Variants in RPS6KC1 observed in about 807,000 individuals in gnomAD.
RPS6KC1 encodes the protein inactive ribosomal protein S6 kinase delta-1.
A neutral mutation model predicts 103.8 loss-of-function variants in RPS6KC1; 54 were observed. The observed-to-expected ratio is 0.52, with a 90% CI of 0.42 to 0.65. The LOEUF is 0.65. RPS6KC1 is among the 30% of genes least tolerant of loss of function. RPS6KC1 has a pLI of 0.00. For synonymous variants in RPS6KC1, 439 were observed against 438.7 expected (o/e 1.00, Z -0.01); for missense variants, 1,151 against 1,253.8 (o/e 0.92, Z 1.24).
At chr1:213,131,438 TATA>T (rs1449007438) in intron 6 of RPS6KC1, among the ~76,000 whole-genome samples, 2 of 116,806 alleles carry the variant, frequency 1.7e-5, no homozygotes, top group African/African-American at 7.6e-5. Context: ...CAAATGGTTT[TATA>T]ATGTTAGGTT....
At chr1:213,832,192 C>A in the RPS6KC1 span, among the ~76,000 whole-genome samples, 1 of 152,116 alleles carries the variant, frequency 6.6e-6, no homozygotes, top group African/African-American at 2.4e-5. Context: ...GTTGGCTTCA[C>A]CTTGGGATTG....
chr1:213,157,415 G>T (rs939863821), intron 6 of RPS6KC1, among the ~76,000 whole-genome samples: 2 of 151,968 alleles, frequency 1.3e-5, no homozygotes, highest in Non-Finnish European at 2.9e-5. Flanking sequence ...CACCGTGTTA[G>T]CCAGGATGGT....
the RPS6KC1 span, among the ~76,000 whole-genome samples, chr1:213,583,820 CA>C: frequency 0.015 from 1,155 of 76,630 alleles, 6 homozygotes; most frequent in Admixed American, 0.048. Flanking sequence ...GATTCTGTCT[CA>C]AAAAAAAAAA....
the RPS6KC1 span, among the ~76,000 whole-genome samples, chr1:213,594,057 C>A: frequency 6.6e-6 from 1 of 151,988 alleles, no homozygotes; most frequent in Non-Finnish European, 1.5e-5. Context: ...GTAAAGATGG[C>A]TTTTGCCAAG....
chr1:213,370,243 ATTTTATTTAT>A, the RPS6KC1 span, among the ~76,000 whole-genome samples: 2 of 147,960 alleles, frequency 1.4e-5, no homozygotes, highest in African/African-American at 5.2e-5. Context: ...CTGTTATTTT[ATTTTATTTAT>A]TTTATTTTAT....
the RPS6KC1 span, among the ~76,000 whole-genome samples, chr1:213,406,904 C>A: frequency 1.3e-5 from 2 of 152,126 alleles, no homozygotes. Flanking sequence ...CAAATGAGAG[C>A]GCTGAGGCTT....
chr1:213,844,611 C>T, the RPS6KC1 span, among the ~76,000 whole-genome samples: 1 of 151,992 alleles, frequency 6.6e-6, no homozygotes. Flanking sequence ...CCCAAAGTTA[C>T]AAGCAAGAGA....
At chr1:213,205,696 T>C (rs2093331720) in intron 8 of RPS6KC1, among the ~76,000 whole-genome samples, 1 of 151,102 alleles carries the variant, frequency 6.6e-6, no homozygotes, top group African/African-American at 2.4e-5. Context: ...CAACCATATA[T>C]TTTTGACATA....
At chr1:213,859,447 A>G in the RPS6KC1 span, among the ~76,000 whole-genome samples, 1 of 152,166 alleles carries the variant, frequency 6.6e-6, no homozygotes, top group Admixed American at 6.5e-5. Flanking sequence ...AACAGCAAAC[A>G]TTTTCTGCAA....
intron 3 of RPS6KC1, among the ~76,000 whole-genome samples, chr1:213,081,719 TTAAGAACATTCTG>T (rs2148572089): frequency 6.6e-6 from 1 of 151,898 alleles, no homozygotes; most frequent in African/African-American, 2.4e-5. Flanking sequence ...TTTCCTATGG[TTAAGAACATTCTG>T]GTAGCCTATG....
At chr1:213,360,717 G>A in the RPS6KC1 span, among the ~76,000 whole-genome samples, 1 of 152,178 alleles carries the variant, frequency 6.6e-6, no homozygotes, top group Admixed American at 6.5e-5. Flanking sequence ...TGATGATGGT[G>A]ATGTGCAGAT....
chr1:213,773,313 G>A, the RPS6KC1 span, among the ~76,000 whole-genome samples: 14 of 151,526 alleles, frequency 9.2e-5, no homozygotes, highest in East Asian at 3.9e-4. Context: ...CCTTCTCACC[G>A]CGCACCCCCA....
the RPS6KC1 span, among the ~76,000 whole-genome samples, chr1:213,360,711 G>A: frequency 1.6e-4 from 25 of 152,288 alleles, 1 homozygote; most frequent in South Asian, 2.9e-3. Context: ...GGTCTTTGAT[G>A]ATGGTGATGT....
chr1:213,400,661 A>G, the RPS6KC1 span, among the ~76,000 whole-genome samples: 8 of 151,666 alleles, frequency 5.3e-5, no homozygotes, highest in African/African-American at 1.9e-4. Context: ...CTGTTGTTCT[A>G]TATTTACATT....
chr1:213,556,883 A>G, the RPS6KC1 span, among the ~76,000 whole-genome samples: 1 of 152,136 alleles, frequency 6.6e-6, no homozygotes, highest in Admixed American at 6.5e-5. Flanking sequence ...TAATATTTCC[A>G]TTACAGATTT....
the RPS6KC1 span, among the ~76,000 whole-genome samples, chr1:213,409,686 C>G: frequency 2.0e-5 from 3 of 152,222 alleles, no homozygotes; most frequent in Non-Finnish European, 4.4e-5. Flanking sequence ...TTTTCCATTT[C>G]TGTTCGGTCT....
the RPS6KC1 span, among the ~76,000 whole-genome samples, chr1:213,524,227 G>A: frequency 5.9e-5 from 9 of 152,032 alleles, no homozygotes; most frequent in Non-Finnish European, 1.2e-4. Flanking sequence ...CAGAACCCAG[G>A]CATGCTGCCA....
At chr1:213,252,384 C>G (rs1386962062) in intron 12 of RPS6KC1, among the ~76,000 whole-genome samples, 2 of 152,174 alleles carry the variant, frequency 1.3e-5, no homozygotes, top group East Asian at 3.8e-4. Context: ...TAACCTTTCT[C>G]TACTCCTAAA....
At chr1:213,227,462 C>T (rs2093987698) in intron 8 of RPS6KC1, among the ~76,000 whole-genome samples, 1 of 152,190 alleles carries the variant, frequency 6.6e-6, no homozygotes, top group African/African-American at 2.4e-5. Context: ...TATTAAAGTT[C>T]TATAGGTCAG....
Sources: gnomAD v4.1 joint callset for allele counts (sites outside exome capture counted in the v4.1 genomes callset) on GRCh38, gnomAD v4.1.1 for gene constraint, MANE v1.5 for transcripts, NCBI Gene and HGNC (gene_info 2026-07-23, HGNC 2026-07-21) for gene names.